The following DIP2A variants were observed in gnomAD, a reference collection of about 807,000 sequenced individuals.
DIP2A encodes disco-interacting protein 2 homolog A.
Under a neutral mutation model 177.4 loss-of-function variants are expected in DIP2A, and 85 were observed. The observed-to-expected ratio is 0.48, with a 90% confidence interval of 0.40 to 0.57. DIP2A has a LOEUF of 0.57. Among genes scored for constraint, DIP2A ranks in the 20% least tolerant of loss-of-function variants. The pLI, the probability that DIP2A is intolerant of heterozygous loss-of-function variation, is 0.00. For missense variants in DIP2A, 1,791 were observed against 2,100.2 expected (o/e 0.85, Z 2.88); for synonymous variants, 886 against 881.8 (o/e 1.00, Z -0.08).
intron 8 of DIP2A, among the ~76,000 whole-genome samples, 155 bp downstream of exon 8, chr21:46,511,769 C>G (rs1167787079): frequency 6.6e-6 from 1 of 152,142 alleles, no homozygotes; most frequent in Non-Finnish European, 1.5e-5. Flanking sequence ...ACCCATCCCA[C>G]CGGAGGGGAC....
At chr21:46,496,333 C>G (rs1004459402) in intron 3 of DIP2A, among the ~76,000 whole-genome samples, 1 of 152,118 alleles carries the variant, frequency 6.6e-6, no homozygotes, top group African/African-American at 2.4e-5. Context: ...TATGACAATG[C>G]CTTCACTGCT....
chr21:46,502,437 ATTTTTTTTTTTTTTT>A (rs36011338), intron 5 of DIP2A, among the ~76,000 whole-genome samples: 2 of 44,862 alleles, frequency 4.5e-5, no homozygotes, highest in South Asian at 1.6e-3. Flanking sequence ...GCTAGTGTTG[ATTTTTTTTTTTTTTT>A]TTTTTTTTTT....
intron 1 of DIP2A, among the ~76,000 whole-genome samples, chr21:46,479,856 C>T (rs2056208302): frequency 6.6e-6 from 1 of 152,128 alleles, no homozygotes; most frequent in Admixed American, 6.5e-5. Flanking sequence ...AAATTGCAGT[C>T]AGATAGGCTC....
In DIP2A at chr21:46,490,661, T is replaced by A; in HGVS notation, c.225T>A (p.Ala75=). 6.3e-7 allele frequency: 1 copy of A among 1,590,514 alleles called. No homozygotes were observed. Among genetic ancestry groups the A allele is most frequent in the Non-Finnish European group, 8.6e-7 (1 of 1,168,382 alleles). The change falls in exon 3 of 38, where the codon GCT becomes GCA. Residue 75 remains alanine (A), a synonymous_variant. Transcript: ENST00000417564. ...RIPGPSQTTA[A]APKQQKSRPT... The stretch of plus-strand genomic sequence containing the variant: ...CTGGGCCCTCACAAACCACGGCCGC[T>A]GCACCCAAGCAGCAGAAGTCTCGGC...
In DIP2A at chr21:46,554,562, CT is replaced by C; in HGVS notation, c.3155-11del. On this transcript the variant is annotated splice_polypyrimidine_tract_variant and intron_variant, in intron 26 of 37. Transcript: ENST00000417564. Reference sequence around the variant, plus strand: ...GCGGCCGGCCTCCTCACAGCCAGTCCTTGTCTCCACAGGGGTGGACCTCATT... The same window carrying C: ...GCGGCCGGCCTCCTCACAGCCAGTCCTGTCTCCACAGGGGTGGACCTCATT... 1 of 1,610,668 alleles carries C rather than the reference CT, an allele frequency of 6.2e-7. No individual in the cohort carries two copies. Among genetic ancestry groups the C allele is most frequent in the African/African-American group, 1.3e-5 (1 of 74,976 alleles).
At chr21:46,565,958 A>C in intron 36 of DIP2A, 71 bp downstream of exon 36, 1 of 1,535,416 alleles carries the variant, frequency 6.5e-7, no homozygotes, top group Non-Finnish European at 8.9e-7. Flanking sequence ...GAGCTTAGTC[A>C]CCTGCTAGCA....
chr21:46,547,589 A>G (rs1196239438), intron 21 of DIP2A, among the ~76,000 whole-genome samples: 2 of 150,942 alleles, frequency 1.3e-5, no homozygotes, highest in Non-Finnish European at 2.9e-5. Flanking sequence ...TCTGGGAGGA[A>G]GCTCTTCCCC....
chr21:46,579,268 A>G, the DIP2A span, among the ~76,000 whole-genome samples: 3 of 152,092 alleles, frequency 2.0e-5, no homozygotes. Flanking sequence ...GTATTCTCTG[A>G]TGGTTGTTTG....
At chr21:46,507,477 C>T (rs1321379505) in intron 6 of DIP2A, among the ~76,000 whole-genome samples, 1 of 151,980 alleles carries the variant, frequency 6.6e-6, no homozygotes, top group African/African-American at 2.4e-5. Flanking sequence ...CATTCTTTTC[C>T]CACCAAGTTT....
intron 1 of DIP2A, chr21:46,462,539 A>C (rs1007845941): frequency 3.9e-4 from 59 of 152,246 alleles, no homozygotes; most frequent in African/African-American, 1.4e-3. Context: ...TGTTTTATTT[A>C]TATAATTAAA....
Position 46,487,217 on chromosome 21 carries a change from A to G in DIP2A, c.163+2389A>G, listed in dbSNP as rs1056435423. ...ACTGCATACATGCTTTGTATTGCCT[A>G]TATTGGTATGATATATTTTATAACA... On this transcript the variant is annotated intron_variant, in intron 2 of 37. Coordinates refer to ENST00000417564, the MANE Select transcript of DIP2A (RefSeq NM_015151.4). 7.9e-5 allele frequency among the ~76,000 whole-genome samples: 12 copies of G among 152,360 alleles called. 1 individual carries two copies. Among genetic ancestry groups the G allele is most frequent in the Admixed American group, 2.0e-4 (3 of 15,306 alleles).
intron 8 of DIP2A, among the ~76,000 whole-genome samples, chr21:46,518,848 C>A (rs1485022159): frequency 6.6e-6 from 1 of 152,192 alleles, no homozygotes; most frequent in Non-Finnish European, 1.5e-5. Context: ...CAGAGCGAGA[C>A]CCTGTCTCAA....
Position 46,557,066 on chromosome 21 carries a change from G to C in DIP2A, c.3626G>C (p.Cys1209Ser). The C allele has an allele frequency of 3.7e-6, 6 of 1,605,298 alleles. No homozygotes were observed. The highest frequency in any genetic ancestry group is 5.1e-6 in the Non-Finnish European group (6 of 1,176,188). The part of the protein sequence containing the change: ...CGLGFALWCL[C>S]SVYSGHQSVL... Reference sequence around the variant, plus strand: ...CTTGGTTTTGCCCTGTGGTGTCTGTGCAGGTGAGTGCAGGGCCCCTGCTGC... The same window carrying C: ...CTTGGTTTTGCCCTGTGGTGTCTGTCCAGGTGAGTGCAGGGCCCCTGCTGC... The change falls in exon 30 of 38, where the codon TGC becomes TCC. Residue 1209 changes from cysteine (C) to serine (S), a missense_variant. Cys to Ser is a moderately radical substitution (Grantham distance 112). Coordinates refer to ENST00000417564, the MANE Select transcript of DIP2A (RefSeq NM_015151.4). The surrounding 1 kb of genome is among the most constrained non-coding windows in gnomAD (Gnocchi z 6.0).
intron 32 of DIP2A, chr21:46,559,051 C>G (rs2060573242): frequency 7.3e-6 from 1 of 136,356 alleles, no homozygotes; most frequent in Admixed American, 8.4e-5. Context: ...GAGCCAAGAT[C>G]TCACCACTGC....
At chr21:46,540,021 G>A in intron 17 of DIP2A, 30 bp downstream of exon 17, 1 of 1,560,012 alleles carries the variant, frequency 6.4e-7, no homozygotes, top group Non-Finnish European at 8.8e-7. Flanking sequence ...TGTCTCATGA[G>A]CACTTAGTTG....
chr21:46,480,369 G>A (rs540287777), intron 1 of DIP2A, among the ~76,000 whole-genome samples: 3 of 152,178 alleles, frequency 2.0e-5, no homozygotes, highest in Non-Finnish European at 2.9e-5. Context: ...ACCTGCCCCC[G>A]TGATTCAGTT....
intron 8 of DIP2A, among the ~76,000 whole-genome samples, chr21:46,527,377 G>A (rs561078077): frequency 7.5e-6 from 1 of 133,900 alleles, no homozygotes; most frequent in Non-Finnish European, 1.5e-5. Flanking sequence ...CCAGGCTAGA[G>A]GACAGTGGCA....
Position 46,484,800 on chromosome 21 carries a change from GC to G in DIP2A, c.136del (p.Ala47HisfsTer10). ...KGYEKKRAKL[L>X]ARYIPLIQGI... The stretch of plus-strand genomic sequence containing the variant: ...GATATGAAAAGAAAAGGGCAAAGCT[GC>G]TTGCACGTTATATACCGCTTATTCA... On this transcript the variant is annotated frameshift_variant, in exon 2 of 38. Transcript: ENST00000417564. LOFTEE classifies it high-confidence loss of function. 1 of 1,585,728 alleles carries G rather than the reference GC, an allele frequency of 6.3e-7. No individual in the cohort carries two copies. The highest frequency in any genetic ancestry group is 8.6e-7 in the Non-Finnish European group (1 of 1,165,570).
intron 5 of DIP2A, among the ~76,000 whole-genome samples, chr21:46,499,663 C>G (rs1338760538): frequency 1.3e-5 from 2 of 152,130 alleles, no homozygotes; most frequent in African/African-American, 4.8e-5. Context: ...ACCTTTCATC[C>G]TTTGAAATTC....
Sources: gnomAD v4.1 joint callset for allele counts (sites outside exome capture counted in the v4.1 genomes callset) on GRCh38, gnomAD v4.1.1 for gene constraint, Gnocchi (gnomAD v3.1) non-coding constraint, MANE v1.5 for transcripts, NCBI Gene and HGNC (gene_info 2026-07-23, HGNC 2026-07-21) for gene names.